The following PCBP3 variants were observed in gnomAD, a reference collection of about 807,000 sequenced individuals.
PCBP3 encodes the protein poly(rC)-binding protein 3.
PCBP3 carries 25 observed loss-of-function variants against 52.7 expected under a neutral mutation model. The observed-to-expected ratio is 0.47, with a 90% CI of 0.35 to 0.66. The LOEUF (loss-of-function observed/expected upper bound fraction) is 0.66. Ranked by LOEUF, PCBP3 falls within the 30% of genes least tolerant of loss-of-function variation. The pLI, the probability that PCBP3 is intolerant of heterozygous loss-of-function variation, is 0.01. For missense variants in PCBP3, 391 were observed against 490.3 expected, an observed-to-expected ratio of 0.80 and a Z score of 1.91; for synonymous variants, 162 against 183.0, an observed-to-expected ratio of 0.89 and a Z score of 0.93.
chr21:45,678,029 C>G (rs1042388736), intron 2 of PCBP3, among the ~76,000 whole-genome samples: 1 of 152,170 alleles, frequency 6.6e-6, no homozygotes, highest in Non-Finnish European at 1.5e-5. Context: ...TTTTGACTTT[C>G]AAGTGTTACT....
chr21:45,931,686 A>C (rs1185656184), intron 15 of PCBP3, among the ~76,000 whole-genome samples: 1 of 152,050 alleles, frequency 6.6e-6, no homozygotes, highest in Non-Finnish European at 1.5e-5. Context: ...GAGATGAACA[A>C]ACACGTCGGC....
intron 2 of PCBP3, among the ~76,000 whole-genome samples, chr21:45,711,431 A>G (rs1452338034): frequency 6.6e-6 from 1 of 152,188 alleles, no homozygotes; most frequent in Non-Finnish European, 1.5e-5. Flanking sequence ...GGATTATTCT[A>G]GCCTTCTCCC....
intron 5 of PCBP3, among the ~76,000 whole-genome samples, chr21:45,891,330 C>T (rs777205882): frequency 3.9e-5 from 6 of 152,226 alleles, no homozygotes; most frequent in Non-Finnish European, 8.8e-5. Context: ...TCGTGTATCC[C>T]GCCTTGCATA....
At chr21:45,783,018 G>C (rs2090762480) in intron 4 of PCBP3, among the ~76,000 whole-genome samples, 1 of 152,198 alleles carries the variant, frequency 6.6e-6, no homozygotes, top group Non-Finnish European at 1.5e-5. Context: ...CTCATATAAT[G>C]ACCATTCAGG....
Position 45,878,081 on chromosome 21 carries a change from C to T in PCBP3, c.11-18127C>T, listed in dbSNP as rs563139906. Among the ~76,000 whole-genome samples the T allele has an allele frequency of 1.2e-4, 19 of 152,384 alleles. No homozygotes were observed. In the South Asian group the frequency reaches 3.9e-3, roughly 32 times the overall value. ...TTTCTGTCTGAGGATGGAGAGGGAGCTCCTGCTGGTTGGCATTTGCTCCAC... is the reference window on the plus strand; with the variant it reads ...TTTCTGTCTGAGGATGGAGAGGGAGTTCCTGCTGGTTGGCATTTGCTCCAC... On this transcript the variant is annotated intron_variant, in intron 5 of 17. Coordinates refer to ENST00000681687, the MANE Select transcript of PCBP3 (RefSeq NM_001384156.1).
chr21:45,774,926 T>C (rs911664851), intron 4 of PCBP3, among the ~76,000 whole-genome samples: 11 of 152,342 alleles, frequency 7.2e-5, no homozygotes, highest in African/African-American at 2.4e-4. Flanking sequence ...AACATTTTGT[T>C]GAGCATTATT....
chr21:45,911,145 G>C, intron 11 of PCBP3, 115 bp downstream of exon 11: 1 of 1,241,750 alleles, frequency 8.1e-7, no homozygotes, highest in South Asian at 1.2e-5. Context: ...TTGGGGCTGT[G>C]GGGGGCTCCT....
chr21:45,702,710 C>G, intron 2 of PCBP3, among the ~76,000 whole-genome samples: 1 of 152,152 alleles, frequency 6.6e-6, no homozygotes, highest in East Asian at 1.9e-4. Context: ...TTGCTGAAGG[C>G]TGGGGTGGCT....
At chr21:45,696,203 A>G (rs1164977177) in intron 2 of PCBP3, among the ~76,000 whole-genome samples, 1 of 152,106 alleles carries the variant, frequency 6.6e-6, no homozygotes, top group Non-Finnish European at 1.5e-5. Context: ...GATTGGACCT[A>G]AGTGTTAAAG....
At chr21:45,781,290 A>G (rs1027551828) in intron 4 of PCBP3, among the ~76,000 whole-genome samples, 1 of 152,236 alleles carries the variant, frequency 6.6e-6, no homozygotes, top group Non-Finnish European at 1.5e-5. Flanking sequence ...TAATGTATCT[A>G]ACATGTGTAA....
At chr21:45,711,159 G>A (rs2083806965) in intron 2 of PCBP3, among the ~76,000 whole-genome samples, 1 of 152,136 alleles carries the variant, frequency 6.6e-6, no homozygotes, top group South Asian at 2.1e-4. Flanking sequence ...CCAATATCTA[G>A]GTGCTGAATG....
chr21:45,833,863 C>G (rs1437864699), intron 4 of PCBP3, among the ~76,000 whole-genome samples: 1 of 152,234 alleles, frequency 6.6e-6, no homozygotes, highest in Admixed American at 6.5e-5. Context: ...TCAGGGAACA[C>G]CTGACTCCCT....
chr21:45,752,252 G>A (rs2087586667), intron 3 of PCBP3, among the ~76,000 whole-genome samples: 1 of 151,792 alleles, frequency 6.6e-6, no homozygotes, highest in Non-Finnish European at 1.5e-5. Context: ...TTTTTTATTA[G>A]TTTATTTTAA....
At chr21:45,775,322 CTGA>C (rs1447808920) in intron 4 of PCBP3, among the ~76,000 whole-genome samples, 1 of 148,080 alleles carries the variant, frequency 6.8e-6, no homozygotes, top group Non-Finnish European at 1.5e-5. Flanking sequence ...ATAATAGTCT[CTGA>C]TGATCTTTTG....
At chr21:45,796,215 T>G (rs997165433) in intron 4 of PCBP3, among the ~76,000 whole-genome samples, 2 of 152,154 alleles carry the variant, frequency 1.3e-5, no homozygotes, top group Non-Finnish European at 2.9e-5. Context: ...TCAGCAATAT[T>G]GTCATGTAGA....
At chr21:45,670,635 T>C (rs750614467) in intron 2 of PCBP3, among the ~76,000 whole-genome samples, 21 of 152,312 alleles carry the variant, frequency 1.4e-4, no homozygotes, top group Non-Finnish European at 2.4e-4. Context: ...GCTGACTTGC[T>C]TCTGAGGACT....
At chr21:45,934,561 G>A (rs1278579198) in intron 15 of PCBP3, among the ~76,000 whole-genome samples, 1 of 152,200 alleles carries the variant, frequency 6.6e-6, no homozygotes, top group African/African-American at 2.4e-5. Flanking sequence ...ATTGGCCCTA[G>A]CACTTCATTT....
chr21:45,873,020 C>T (rs1372006977), intron 5 of PCBP3: 16 of 152,188 alleles, frequency 1.1e-4, no homozygotes. Flanking sequence ...CATCAACCTT[C>T]CTGGGTGGCA....
chr21:45,645,240 T>C (rs1002485482), intron 1 of PCBP3, among the ~76,000 whole-genome samples: 6 of 644 alleles, frequency 9.3e-3, no homozygotes, highest in Non-Finnish European at 0.012. Flanking sequence ...CGAGCAGTAT[T>C]TTTTTTTTTT....
Sources: gnomAD v4.1 joint callset for allele counts (sites outside exome capture counted in the v4.1 genomes callset) on GRCh38, gnomAD v4.1.1 for gene constraint, MANE v1.5 for transcripts, NCBI Gene and HGNC (gene_info 2026-07-23, HGNC 2026-07-21) for gene names.